The following AOPEP variants were observed in gnomAD, a reference collection of about 807,000 sequenced individuals.
AOPEP encodes aminopeptidase O (putative), also known as aminopeptidase O.
AOPEP carries 77 observed loss-of-function variants against 98.1 expected under a neutral mutation model. That is an observed-to-expected ratio of 0.78 (90% CI 0.65 to 0.95). The LOEUF (loss-of-function observed/expected upper bound fraction) is 0.95, where lower values mean the gene tolerates loss of function less well. Ranked by LOEUF, AOPEP falls within the 40% of genes least tolerant of loss-of-function variation. The pLI, the probability that AOPEP is intolerant of heterozygous loss-of-function variation, is 0.00. For missense variants in AOPEP, 1,024 were observed against 1,024.7 expected, an observed-to-expected ratio of 1.00 and a Z score of 0.01; for synonymous variants, 346 against 365.3, an observed-to-expected ratio of 0.95 and a Z score of 0.60.
At position 95,005,610 on chromosome 9, in the gene AOPEP, T is replaced by C. The variant is rs745615106; in HGVS notation, c.2109T>C (p.Phe703=). Reference sequence around the variant, plus strand: ...AGCGCAGGGAGAAGGAAGAGGTGTTTGAAAAGGTAGGGGTTCCCGAGACGG... The same window carrying C: ...AGCGCAGGGAGAAGGAAGAGGTGTTCGAAAAGGTAGGGGTTCCCGAGACGG... ...KRKRREKEEV[F]EKLLPDQLVL... The change falls in exon 13 of 17, where the codon TTT becomes TTC. Residue 703 remains phenylalanine (F), a synonymous_variant. Transcript: ENST00000375315. The C allele has an allele frequency of 1.2e-6, 2 of 1,613,902 alleles. No individual in the cohort carries two copies. The highest frequency in any genetic ancestry group is 2.2e-5 in the East Asian group (1 of 44,868).
chr9:95,150,073 C>T, the AOPEP span: 71 of 1,614,076 alleles, frequency 4.4e-5, 1 homozygote, highest in South Asian at 4.3e-4. Flanking sequence ...GGACGCCACT[C>T]GCTCGGGAGC....
intron 14 of AOPEP, among the ~76,000 whole-genome samples, chr9:95,073,813 C>G (rs766126413): frequency 2.0e-5 from 3 of 152,110 alleles, no homozygotes; most frequent in African/African-American, 7.2e-5. Context: ...GAGCCGAGAT[C>G]GCGTCACTGT....
chr9:95,122,635 C>G, the AOPEP span, among the ~76,000 whole-genome samples: 1 of 152,214 alleles, frequency 6.6e-6, no homozygotes, highest in Non-Finnish European at 1.5e-5. Flanking sequence ...TTAAAAGCAA[C>G]TGCAACATCA....
chr9:95,057,209 A>G (rs889623490), intron 13 of AOPEP, among the ~76,000 whole-genome samples: 1 of 152,264 alleles, frequency 6.6e-6, no homozygotes, highest in Non-Finnish European at 1.5e-5. Flanking sequence ...TGGTACGACC[A>G]AAGCCTTATC....
At chr9:95,051,250 C>T (rs1174157735) in intron 13 of AOPEP, among the ~76,000 whole-genome samples, 1 of 151,998 alleles carries the variant, frequency 6.6e-6, no homozygotes, top group Non-Finnish European at 1.5e-5. Flanking sequence ...CCACCACACC[C>T]AGCTAATTTT....
intron 11 of AOPEP, among the ~76,000 whole-genome samples, chr9:94,988,160 A>G (rs1379174371): frequency 6.6e-6 from 1 of 152,176 alleles, no homozygotes; most frequent in African/African-American, 2.4e-5. Flanking sequence ...TAGATAACCA[A>G]TGGTGTCTGT....
At chr9:94,817,179 GTT>G (rs1266324309) in intron 5 of AOPEP, among the ~76,000 whole-genome samples, 1 of 151,966 alleles carries the variant, frequency 6.6e-6, no homozygotes, top group Non-Finnish European at 1.5e-5. Flanking sequence ...TTTTCTGTGT[GTT>G]TTTTGTAGAG....
chr9:94,818,714 G>T (rs1352946389), intron 5 of AOPEP, among the ~76,000 whole-genome samples: 1 of 152,172 alleles, frequency 6.6e-6, no homozygotes, highest in Admixed American at 6.5e-5. Flanking sequence ...ACAAATAAAG[G>T]CCGGGCGCGG....
intron 5 of AOPEP, among the ~76,000 whole-genome samples, chr9:94,863,026 A>G (rs1318472082): frequency 2.0e-5 from 3 of 152,186 alleles, no homozygotes; most frequent in Admixed American, 6.5e-5. Flanking sequence ...CAAAAGCATA[A>G]TGGCAAGATT....
intron 5 of AOPEP, among the ~76,000 whole-genome samples, chr9:94,886,248 C>T (rs1307734640): frequency 6.6e-6 from 1 of 152,136 alleles, no homozygotes; most frequent in Admixed American, 6.5e-5. Context: ...TTCTAAAGTA[C>T]ACAAAGAAAA....
chr9:94,882,074 T>G (rs945026503), intron 5 of AOPEP, among the ~76,000 whole-genome samples: 1 of 152,202 alleles, frequency 6.6e-6, no homozygotes. Flanking sequence ...GGCTCTAAGC[T>G]CAGCTTTAGA....
chr9:94,829,243 TAATA>T (rs1229963384), intron 5 of AOPEP, among the ~76,000 whole-genome samples: 2 of 151,964 alleles, frequency 1.3e-5, no homozygotes, highest in African/African-American at 2.4e-5. Context: ...TAATTACATA[TAATA>T]AATACATATA....
the AOPEP span, among the ~76,000 whole-genome samples, chr9:95,093,720 G>A: frequency 6.6e-6 from 1 of 152,064 alleles, no homozygotes; most frequent in African/African-American, 2.4e-5. Context: ...CACGGAGGGT[G>A]GCACAGTGTT....
chr9:94,971,650 C>A (rs947665214), intron 10 of AOPEP, among the ~76,000 whole-genome samples: 2 of 152,166 alleles, frequency 1.3e-5, no homozygotes, highest in Non-Finnish European at 2.9e-5. Flanking sequence ...TGTTCAGGGG[C>A]CGGCACTCTC....
At chr9:94,854,555 C>T (rs1302014908) in intron 5 of AOPEP, among the ~76,000 whole-genome samples, 1 of 152,140 alleles carries the variant, frequency 6.6e-6, no homozygotes, top group Admixed American at 6.5e-5. Flanking sequence ...CCAGTAGCTA[C>T]TAAATATTTG....
At position 95,060,747 on chromosome 9, in the gene AOPEP, T is replaced by A; in HGVS notation, c.2169T>A (p.Thr723=). The change falls in exon 14 of 17, where the codon ACT becomes ACA. Residue 723 remains threonine (T), a synonymous_variant. Coordinates refer to ENST00000375315, the MANE Select transcript of AOPEP (RefSeq NM_001193329.3). ...TGGAGCATCTCTTGGAGCAGAAGAC[T>A]CTGAGCCCCCGAACTCTGCAAAGCC... ...LLLEHLLEQK[T]LSPRTLQSLQ... The A allele has an allele frequency of 6.2e-7, 1 of 1,614,166 alleles. No homozygotes were observed. The highest frequency in any genetic ancestry group is 8.5e-7 in the Non-Finnish European group (1 of 1,180,004).
At chr9:94,924,890 G>A (rs1300760620) in intron 6 of AOPEP, among the ~76,000 whole-genome samples, 2 of 152,216 alleles carry the variant, frequency 1.3e-5, no homozygotes, top group Admixed American at 1.3e-4. Flanking sequence ...TGGTGCACAC[G>A]CTCCCAGTTT....
intron 5 of AOPEP, among the ~76,000 whole-genome samples, chr9:94,885,550 G>T (rs72748547): frequency 0.029 from 4,389 of 152,034 alleles, 171 homozygotes; most frequent in African/African-American, 0.084. Context: ...ACTCCTACTC[G>T]CATTCCTCAG....
intron 3 of AOPEP, 60 bp downstream of exon 3, chr9:94,773,228 A>C: frequency 1.4e-6 from 2 of 1,422,630 alleles, no homozygotes; most frequent in South Asian, 1.4e-5. Flanking sequence ...CCAGGAACCC[A>C]ATAAACAGTA....
Sources: gnomAD v4.1 joint callset for allele counts (sites outside exome capture counted in the v4.1 genomes callset) on GRCh38, gnomAD v4.1.1 for gene constraint, MANE v1.5 for transcripts, NCBI Gene and HGNC (gene_info 2026-07-23, HGNC 2026-07-21) for gene names.